ANK3: variants seen among roughly 807,000 people sequenced by gnomAD.
The protein encoded by ANK3 is ankyrin-3.
In ANK3, 57 loss-of-function variants were observed where a neutral mutation model predicts 370.9. The observed-to-expected ratio is 0.15, with a 90% confidence interval of 0.12 to 0.19. The LOEUF (loss-of-function observed/expected upper bound fraction) is 0.19. Ranked by LOEUF, ANK3 falls within the 10% of genes least tolerant of loss-of-function variation. The pLI is 1.00. For synonymous variants in ANK3, 1,929 were observed against 1,946.3 expected, an observed-to-expected ratio of 0.99 and a Z score of 0.23; for missense variants, 4,439 against 5,302.1, an observed-to-expected ratio of 0.84 and a Z score of 5.06.
chr10:60,599,344 C>A (rs529676448), intron 2 of ANK3, among the ~76,000 whole-genome samples: 2 of 152,244 alleles, frequency 1.3e-5, no homozygotes, highest in South Asian at 4.1e-4. Flanking sequence ...ATAATGGACA[C>A]GACTCCCTAA....
intron 2 of ANK3, among the ~76,000 whole-genome samples, chr10:60,453,617 A>G (rs1400559889): frequency 6.6e-6 from 1 of 152,018 alleles, no homozygotes; most frequent in Non-Finnish European, 1.5e-5. Context: ...GAGAAGTTAA[A>G]CTCCTCATTA....
intron 1 of ANK3, among the ~76,000 whole-genome samples, chr10:60,659,746 G>GA (rs57080943): frequency 1.3e-3 from 200 of 151,788 alleles, no homozygotes; most frequent in African/African-American, 4.2e-3. Flanking sequence ...AATCTGTGGG[G>GA]AAAAAAAATG....
intron 36 of ANK3, among the ~76,000 whole-genome samples, chr10:60,077,807 T>G (rs1278994746): frequency 6.6e-6 from 1 of 152,222 alleles, no homozygotes; most frequent in Non-Finnish European, 1.5e-5. Context: ...GTACCAATTC[T>G]GGTGCCTTCC....
intron 1 of ANK3, among the ~76,000 whole-genome samples, chr10:60,310,892 C>T (rs9645495): frequency 0.58 from 88,375 of 152,002 alleles, 26,273 homozygotes; most frequent in South Asian, 0.78. Context: ...AGTCACATCA[C>T]GGTCCACTAC....
intron 2 of ANK3, among the ~76,000 whole-genome samples, chr10:60,563,063 T>C (rs921498259): frequency 6.6e-6 from 1 of 152,164 alleles, no homozygotes; most frequent in Non-Finnish European, 1.5e-5. Context: ...ATTTCAAGAA[T>C]AGTAATCAGG....
chr10:60,073,872 C>A lies in ANK3; in HGVS notation c.7009G>T (p.Gly2337Cys), dbSNP rs747814527. 6.2e-7 allele frequency: 1 copy of A among 1,613,568 alleles called. No individual in the cohort carries two copies. Residue 2337 changes from glycine to cysteine, a missense_variant, in exon 37 of 44, where the codon GGT becomes TGT. Around this residue, in one of 13 missense-constraint regions of ANK3, gnomAD observed 1,601 missense variants for 1,731.7 expected, o/e 0.92. Transcript: ENST00000280772. The stretch of plus-strand genomic sequence containing the variant: ...ACTTCAGTGGGCTCAGCTTGGTTAC[C>A]TTTTTCGATGTGGACTTCTATTATA... ...ERIIEVHIEK[G>C]NQAEPTEVII...
At chr10:60,553,162 C>G (rs1215378315) in intron 2 of ANK3, among the ~76,000 whole-genome samples, 2 of 152,190 alleles carry the variant, frequency 1.3e-5, no homozygotes, top group Non-Finnish European at 2.9e-5. Flanking sequence ...AAATGGCAAA[C>G]TTCCCTAATA....
intron 2 of ANK3, among the ~76,000 whole-genome samples, chr10:60,492,706 C>CAAAAAAAAAAAAAAAAAAAAAAA (rs764367710): frequency 3.5e-5 from 2 of 57,522 alleles, no homozygotes; most frequent in African/African-American, 7.4e-5. Flanking sequence ...GACTCTGTCT[C>CAAAAAAAAAAAAAAAAAAAAAAA]AAAAAAAAAA....
intron 2 of ANK3, among the ~76,000 whole-genome samples, chr10:60,598,943 T>C (rs2078024577): frequency 1.3e-5 from 2 of 152,170 alleles, no homozygotes; most frequent in Admixed American, 6.5e-5. Flanking sequence ...TTGTTTTTCA[T>C]GTTGAGACAG....
At chr10:60,430,207 G>A (rs1267021873) in intron 2 of ANK3, among the ~76,000 whole-genome samples, 1 of 152,224 alleles carries the variant, frequency 6.6e-6, no homozygotes, top group African/African-American at 2.4e-5. Context: ...TGGGCAGAAA[G>A]TCTGCCTGAA....
At position 60,152,442 on chromosome 10, in the gene ANK3, CTT is replaced by C. The variant is rs551780063; in HGVS notation, c.2615-13357_2615-13356del. On this transcript the variant is annotated intron_variant, in intron 23 of 43. Transcript: ENST00000280772. ...TCTCTATAGAAAAAGTCTGCTGACTCTTGAAATTAATGACTAATAAAATGAGA... is the reference window on the plus strand; with the variant it reads ...TCTCTATAGAAAAAGTCTGCTGACTCGAAATTAATGACTAATAAAATGAGA... Among the ~76,000 whole-genome samples the C allele has an allele frequency of 5.7e-3, 861 of 152,108 alleles. 5 individuals are homozygous for C. Among genetic ancestry groups the C allele is most frequent in the Non-Finnish European group, 8.9e-3 (607 of 68,002 alleles).
intron 2 of ANK3, among the ~76,000 whole-genome samples, chr10:60,447,442 GT>G (rs917281913): frequency 2.7e-4 from 41 of 152,140 alleles, no homozygotes; most frequent in African/African-American, 9.9e-4. Flanking sequence ...TAAAGTTTTT[GT>G]TTGTTTGTTT....
chr10:60,659,033 G>A (rs10994460), intron 1 of ANK3, among the ~76,000 whole-genome samples: 95,961 of 151,674 alleles, frequency 0.63, 30,620 homozygotes, highest in South Asian at 0.76. Flanking sequence ...AAATCTGTAT[G>A]GGAAAAAATT....
At chr10:60,092,257 TC>T (rs2088741599) in intron 28 of ANK3, among the ~76,000 whole-genome samples, 1 of 152,180 alleles carries the variant, frequency 6.6e-6, no homozygotes, top group Non-Finnish European at 1.5e-5. Flanking sequence ...TGTTCATTAC[TC>T]CTACAGGACT....
intron 2 of ANK3, among the ~76,000 whole-genome samples, chr10:60,591,338 T>TATTTATTC (rs2077910540): frequency 6.6e-6 from 1 of 150,658 alleles, no homozygotes; most frequent in South Asian, 2.1e-4. Flanking sequence ...TTTATTTATT[T>TATTTATTC]ATTTATTTAT....
intron 2 of ANK3, among the ~76,000 whole-genome samples, chr10:60,486,135 C>A (rs537760311): frequency 6.6e-6 from 1 of 152,114 alleles, no homozygotes; most frequent in Non-Finnish European, 1.5e-5. Context: ...TTTCTGAACA[C>A]GAATTCCCTG....
At chr10:60,638,367 C>T (rs2078583914) in intron 1 of ANK3, among the ~76,000 whole-genome samples, 2 of 152,070 alleles carry the variant, frequency 1.3e-5, no homozygotes, top group African/African-American at 4.8e-5. Flanking sequence ...CCTGCCATAA[C>T]AAAACTTACA....
At chr10:60,732,276 G>T (rs560414472) in intron 1 of ANK3, among the ~76,000 whole-genome samples, 1 of 152,116 alleles carries the variant, frequency 6.6e-6, no homozygotes, top group African/African-American at 2.4e-5. Flanking sequence ...CCCTTCCCGG[G>T]ACGACTACTG....
intron 41 of ANK3, among the ~76,000 whole-genome samples, chr10:60,058,639 G>A (rs1589373665): frequency 6.6e-6 from 1 of 152,166 alleles, no homozygotes; most frequent in Non-Finnish European, 1.5e-5. Context: ...AGATGATGGG[G>A]TGTATTGATT....
Sources: gnomAD v4.1 joint callset for allele counts (sites outside exome capture counted in the v4.1 genomes callset) on GRCh38, gnomAD v4.1.1 for gene constraint, gnomAD v4.1.1 regional missense constraint, MANE v1.5 for transcripts, NCBI Gene and HGNC (gene_info 2026-07-23, HGNC 2026-07-21) for gene names.